The following CDH13 variants were observed in gnomAD, a reference collection of about 807,000 sequenced individuals.
The protein encoded by CDH13 is cadherin-13.
Under a neutral mutation model 63.8 loss-of-function variants are expected in CDH13, and 24 were observed. That is an observed-to-expected ratio of 0.38 (90% CI 0.27 to 0.53). The LOEUF is 0.53. CDH13 is among the 20% of genes least tolerant of loss of function. CDH13 has a pLI of 0.85. For missense variants in CDH13, 1,049 were observed against 903.1 expected, an observed-to-expected ratio of 1.16 and a Z score of -2.07; for synonymous variants, 503 against 355.3, an observed-to-expected ratio of 1.42 and a Z score of -4.67.
At chr16:82,853,055 A>T (rs751406090) in intron 1 of CDH13, among the ~76,000 whole-genome samples, 3 of 152,226 alleles carry the variant, frequency 2.0e-5, no homozygotes, top group Non-Finnish European at 2.9e-5. Context: ...CCTGGTATAA[A>T]GAGTGTGATT....
chr16:83,245,612 G>A (rs369700811), intron 5 of CDH13, among the ~76,000 whole-genome samples: 4 of 152,276 alleles, frequency 2.6e-5, no homozygotes, highest in African/African-American at 9.6e-5. Context: ...CATTTGAATT[G>A]TAAATTCAAA....
At chr16:82,959,711 G>A (rs1381962909) in intron 2 of CDH13, among the ~76,000 whole-genome samples, 7 of 152,316 alleles carry the variant, frequency 4.6e-5, no homozygotes, top group African/African-American at 1.7e-4. Context: ...CATAGGTTCT[G>A]TTTGCCATAT....
At chr16:82,757,614 A>ATTATGTCAACATTTAATTGCAAG (rs1555511727) in intron 1 of CDH13, among the ~76,000 whole-genome samples, 57 of 150,906 alleles carry the variant, frequency 3.8e-4, no homozygotes, top group Admixed American at 7.3e-4. Context: ...TTGCAAATGC[A>ATTATGTCAACATTTAATTGCAAG]AGCTTTGGTA....
At chr16:83,449,329 A>G (rs1251063146) in intron 6 of CDH13, among the ~76,000 whole-genome samples, 2 of 152,162 alleles carry the variant, frequency 1.3e-5, no homozygotes, top group Non-Finnish European at 2.9e-5. Context: ...CATGGTACCA[A>G]GAGGAAAACA....
chr16:83,612,157 T>A (rs983822610), intron 8 of CDH13, among the ~76,000 whole-genome samples: 2 of 152,100 alleles, frequency 1.3e-5, no homozygotes, highest in Non-Finnish European at 2.9e-5. Context: ...TTGGTACTAT[T>A]AAATTTTTAA....
intron 1 of CDH13, among the ~76,000 whole-genome samples, chr16:82,659,368 G>T (rs776938304): frequency 4.6e-5 from 7 of 152,208 alleles, no homozygotes; most frequent in Non-Finnish European, 7.3e-5. Context: ...CCTTGCCATT[G>T]AGAGGGGAAT....
intron 1 of CDH13, among the ~76,000 whole-genome samples, chr16:82,797,613 T>C (rs374510633): frequency 1.8e-4 from 28 of 152,300 alleles, no homozygotes; most frequent in African/African-American, 6.5e-4. Flanking sequence ...CTCCACTCCA[T>C]GCAAACACAT....
intron 1 of CDH13, among the ~76,000 whole-genome samples, chr16:82,635,662 G>C (rs1908564504): frequency 1.3e-5 from 2 of 152,176 alleles, no homozygotes; most frequent in African/African-American, 4.8e-5. Context: ...TGAGATCATG[G>C]GAAGCTGGAT....
chr16:82,897,042 A>T (rs904707130), intron 2 of CDH13, among the ~76,000 whole-genome samples: 1 of 151,928 alleles, frequency 6.6e-6, no homozygotes, highest in African/African-American at 2.4e-5. Context: ...GGCCTCCCAA[A>T]GTGCTGGGAT....
intron 4 of CDH13, among the ~76,000 whole-genome samples, chr16:83,197,372 A>G (rs560072764): frequency 7.2e-5 from 11 of 152,224 alleles, no homozygotes. Context: ...TCCAGCATTT[A>G]TCCTTTGTGG....
intron 7 of CDH13, among the ~76,000 whole-genome samples, chr16:83,546,642 C>T (rs2075391520): frequency 1.3e-5 from 2 of 152,126 alleles, no homozygotes; most frequent in South Asian, 2.1e-4. Flanking sequence ...AATTCACCTC[C>T]TATTCTGGGT....
chr16:83,590,849 T>G (rs1906665232), intron 7 of CDH13, among the ~76,000 whole-genome samples: 1 of 150,018 alleles, frequency 6.7e-6, no homozygotes, highest in African/African-American at 2.4e-5. Context: ...TTCTGAATCA[T>G]AAATGCTGCA....
intron 11 of CDH13, among the ~76,000 whole-genome samples, chr16:83,755,224 C>G (rs1913406925): frequency 6.6e-6 from 1 of 152,070 alleles, no homozygotes; most frequent in South Asian, 2.1e-4. Context: ...GTAGACTTAA[C>G]AGCAGAACAC....
chr16:82,793,340 G>A (rs576254019), intron 1 of CDH13, among the ~76,000 whole-genome samples: 4 of 151,802 alleles, frequency 2.6e-5, no homozygotes, highest in South Asian at 4.2e-4. Flanking sequence ...AGAAAAGTTC[G>A]GGCCAGGAGC....
Position 83,634,616 on chromosome 16 carries a change from G to A in CDH13, c.1101+32022G>A, listed in dbSNP as rs567303734. Among the ~76,000 whole-genome samples, 5 of 152,138 alleles carry A rather than the reference G, an allele frequency of 3.3e-5. No individual in the cohort carries two copies. The South Asian group carries it at 1.0e-3, about 32-fold the overall frequency. On this transcript the variant is annotated intron_variant, in intron 8 of 13. Coordinates refer to ENST00000567109, the MANE Select transcript of CDH13 (RefSeq NM_001257.5). ...GGGTTTCACCATGTTGGCCAGGTTG[G>A]TCTTGAACTCCTGACCTCAGGTGAT...
intron 4 of CDH13, among the ~76,000 whole-genome samples, chr16:83,174,017 T>C (rs760839423): frequency 6.6e-6 from 1 of 152,072 alleles, no homozygotes; most frequent in African/African-American, 2.4e-5. Flanking sequence ...CCTCCAGTTA[T>C]CACTCGAGGG....
At chr16:83,558,074 A>G (rs1054538955) in intron 7 of CDH13, among the ~76,000 whole-genome samples, 1 of 152,308 alleles carries the variant, frequency 6.6e-6, no homozygotes, top group Admixed American at 6.5e-5. Context: ...CACACAGTCT[A>G]CAGGGCTCAT....
chr16:82,682,871 CCA>C (rs1914692684), intron 1 of CDH13, among the ~76,000 whole-genome samples: 1 of 152,144 alleles, frequency 6.6e-6, no homozygotes, highest in Non-Finnish European at 1.5e-5. Context: ...CATGACCCAG[CCA>C]CAGTTAGGAA....
chr16:83,198,637 G>A (rs1194976387), intron 4 of CDH13, among the ~76,000 whole-genome samples: 1 of 152,176 alleles, frequency 6.6e-6, no homozygotes, highest in Non-Finnish European at 1.5e-5. Flanking sequence ...ATCCCACTCT[G>A]TGGCTTCCTC....
Sources: allele counts gnomAD v4.1 joint callset (sites outside exome capture counted in the v4.1 genomes callset), GRCh38; gene constraint gnomAD v4.1.1; transcripts MANE v1.5; gene names NCBI Gene and HGNC (gene_info 2026-07-23, HGNC 2026-07-21).